The following CTTNBP2NL variants were observed in gnomAD, a reference collection of about 807,000 sequenced individuals.
CTTNBP2NL encodes CTTNBP2 N-terminal like.
Under a neutral mutation model 32.5 loss-of-function variants are expected in CTTNBP2NL, and 16 were observed. The observed-to-expected ratio is 0.49, with a 90% confidence interval of 0.33 to 0.75. CTTNBP2NL has a LOEUF of 0.75. Among genes scored for constraint, CTTNBP2NL ranks in the 30% least tolerant of loss-of-function variants. The probability of loss-of-function intolerance (pLI) is 0.02; values close to 1 mark genes in which losing one functional copy is unlikely to be tolerated. For synonymous variants in CTTNBP2NL, 298 were observed against 289.4 expected, an observed-to-expected ratio of 1.03 and a Z score of -0.30; for missense variants, 645 against 756.0, an observed-to-expected ratio of 0.85 and a Z score of 1.72.
intron 3 of CTTNBP2NL, among the ~76,000 whole-genome samples, chr1:112,433,462 G>A (rs955175501): frequency 3.9e-5 from 6 of 152,128 alleles, no homozygotes; most frequent in African/African-American, 1.2e-4. Flanking sequence ...GCACAATGGT[G>A]CATGCCTGTA....
chr1:112,403,113 C>T lies in CTTNBP2NL; in HGVS notation c.-134+6841C>T, dbSNP rs1013980840. On this transcript the variant is annotated intron_variant, in intron 1 of 5. Transcript: ENST00000271277. Reference sequence around the variant, plus strand: ...TAACTAAGTAAATTCTTTTTAATGTCTCTTTTGTCAGTCTCTTCCATTCTT... The same window carrying T: ...TAACTAAGTAAATTCTTTTTAATGTTTCTTTTGTCAGTCTCTTCCATTCTT... 7.2e-5 allele frequency among the ~76,000 whole-genome samples: 11 copies of T among 152,142 alleles called. No homozygotes were observed. In the East Asian group the frequency reaches 1.7e-3, roughly 24 times the overall value.
intron 3 of CTTNBP2NL, among the ~76,000 whole-genome samples, chr1:112,419,548 C>T (rs961208370): frequency 3.4e-4 from 36 of 105,190 alleles, no homozygotes; most frequent in Non-Finnish European, 6.9e-4. Flanking sequence ...AGTTGTGGCA[C>T]CAAAAATTAA....
chr1:112,398,160 T>C (rs1252998628), intron 1 of CTTNBP2NL, among the ~76,000 whole-genome samples: 1 of 152,130 alleles, frequency 6.6e-6, no homozygotes, highest in Non-Finnish European at 1.5e-5. Context: ...TAAACTAAGG[T>C]AAGAGACTAA....
Position 112,459,413 on chromosome 1 carries a change from A to G in CTTNBP2NL, c.*2001A>G, listed in dbSNP as rs1650479273. ...ACATTCTCTGAGCCAACATCTATCC[A>G]GCAGCCCTGACCTCCTGCTATAATT... On this transcript the variant is annotated 3_prime_UTR_variant, in exon 6 of 6. Coordinates refer to ENST00000271277, the MANE Select transcript of CTTNBP2NL (RefSeq NM_018704.3). 1 of 152,228 alleles carries G rather than the reference A, an allele frequency of 6.6e-6. No homozygotes were observed. Among genetic ancestry groups the G allele is most frequent in the East Asian group, 1.9e-4 (1 of 5,200 alleles). 9.4% of individuals were successfully genotyped at this position (152,228 alleles called of 1,614,324 possible). A position where few individuals can be genotyped will look rare whatever the true frequency, so the allele number is the denominator to read the frequency against.
At chr1:112,394,524 A>C (rs1648263986), upstream of CTTNBP2NL, among the ~76,000 whole-genome samples, 1 of 152,184 alleles carries the variant, frequency 6.6e-6, no homozygotes, top group South Asian at 2.1e-4. Context: ...TCAGATTGTC[A>C]GTTTTCAGAA....
In CTTNBP2NL at chr1:112,458,861, T is replaced by G. The variant is rs1236498882; in HGVS notation, c.*1449T>G. On this transcript the variant is annotated 3_prime_UTR_variant, in exon 6 of 6. Coordinates refer to ENST00000271277, the MANE Select transcript of CTTNBP2NL (RefSeq NM_018704.3). ...TAACCCCAGTGTCACAAAACTCAAC[T>G]GGTCATATAAATGAGTGAAACAGGC... is the stretch of plus-strand genomic sequence containing the variant. 6.6e-6 allele frequency: 1 copy of G among 152,078 alleles called. No homozygotes were observed. Among genetic ancestry groups the G allele is most frequent in the Non-Finnish European group, 1.5e-5 (1 of 68,030 alleles). The allele number at this position is 152,078 out of a possible 1,614,324, so 9.4% of individuals were successfully genotyped here. A position where few individuals can be genotyped will look rare whatever the true frequency, so the allele number is the denominator to read the frequency against.
At chr1:112,425,044 G>A (rs762971674) in intron 3 of CTTNBP2NL, among the ~76,000 whole-genome samples, 1 of 149,552 alleles carries the variant, frequency 6.7e-6, no homozygotes, top group South Asian at 2.1e-4. Flanking sequence ...GGTTGGTCTC[G>A]AACTCCTGGC....
chr1:112,400,526 G>A lies in CTTNBP2NL; in HGVS notation c.-134+4254G>A, dbSNP rs965917868. Among the ~76,000 whole-genome samples, 3 of 152,256 alleles carry A rather than the reference G, an allele frequency of 2.0e-5. No homozygotes were observed. In the East Asian group the frequency reaches 5.8e-4, roughly 29 times the overall value. ...AAATACAAAAATTGCCAGGTGCAGT[G>A]GCTCACCTGTAATCCCAGCACTTTG... On this transcript the variant is annotated intron_variant, in intron 1 of 5. Coordinates refer to ENST00000271277, the MANE Select transcript of CTTNBP2NL (RefSeq NM_018704.3).
intron 4 of CTTNBP2NL, among the ~76,000 whole-genome samples, chr1:112,450,945 T>A (rs568401216): frequency 2.0e-5 from 3 of 152,198 alleles, no homozygotes; most frequent in African/African-American, 7.2e-5. Context: ...ATTAGGGTGC[T>A]CATAGTCTCA....
chr1:112,432,238 TA>T, intron 3 of CTTNBP2NL, among the ~76,000 whole-genome samples: 3 of 152,028 alleles, frequency 2.0e-5, no homozygotes, highest in Admixed American at 2.0e-4. Context: ...CACACCCAGC[TA>T]ATTTTTTGTA....
At chr1:112,423,452 A>C (rs1335776173) in intron 3 of CTTNBP2NL, among the ~76,000 whole-genome samples, 1 of 152,176 alleles carries the variant, frequency 6.6e-6, no homozygotes, top group South Asian at 2.1e-4. Flanking sequence ...ACATATTTCA[A>C]AACATCATGT....
rs1397369953 is a variant in CTTNBP2NL, at chr1:112,456,917, A to T, written c.1425A>T (p.Gln475His). The change falls in exon 6 of 6, where the codon CAA becomes CAT. Residue 475 changes from glutamine to histidine, a missense_variant. Gln to His is a conservative substitution (Grantham distance 24). Transcript: ENST00000271277. ...KFQSQADQDQ[Q>H]ASGLQSPPSR... is the part of the protein sequence containing the mutation. ...AGTCCCAAGCAGATCAGGACCAACA[A>T]GCCAGTGGCCTACAGAGCCCTCCAT... The T allele has an allele frequency of 9.3e-6, 15 of 1,613,974 alleles. No homozygotes were observed. The Admixed American group carries it at 2.5e-4, about 27-fold the overall frequency.
At chr1:112,442,767 T>G (rs1193788972) in intron 3 of CTTNBP2NL, among the ~76,000 whole-genome samples, 1 of 152,114 alleles carries the variant, frequency 6.6e-6, no homozygotes, top group Non-Finnish European at 1.5e-5. Context: ...CTCAGCTCAC[T>G]ATAACCTCCG....
chr1:112,425,606 A>T (rs750409991), intron 3 of CTTNBP2NL, among the ~76,000 whole-genome samples: 1 of 151,924 alleles, frequency 6.6e-6, no homozygotes, highest in South Asian at 2.1e-4. Flanking sequence ...GCTCATGCCT[A>T]TAATCCCAGT....
upstream of CTTNBP2NL, among the ~76,000 whole-genome samples, chr1:112,392,264 C>T (rs1648206603): frequency 6.6e-6 from 1 of 152,050 alleles, no homozygotes; most frequent in Non-Finnish European, 1.5e-5. Context: ...TCCTCACCTG[C>T]AAAAGGGGAC....
At position 112,411,751 on chromosome 1, in the gene CTTNBP2NL, C is replaced by T. The variant is rs1465824755; in HGVS notation, c.-133-443C>T. 4.6e-5 allele frequency among the ~76,000 whole-genome samples: 7 copies of T among 151,418 alleles called. No homozygotes were observed. The South Asian group carries it at 8.3e-4, about 18-fold the overall frequency. On this transcript the variant is annotated intron_variant, in intron 1 of 5. Transcript: ENST00000271277. ...AGGCTGGAGTGCAGTGGCACAATCT[C>T]GGCTCACTACAAGCTCCACCTCCTG...
chr1:112,418,490 A>G (rs1307804726), intron 3 of CTTNBP2NL, among the ~76,000 whole-genome samples: 2 of 152,042 alleles, frequency 1.3e-5, no homozygotes, highest in African/African-American at 2.4e-5. Context: ...TCTAATTGTT[A>G]TGGAGGGGAC....
chr1:112,430,678 C>T (rs1187631688), intron 3 of CTTNBP2NL, among the ~76,000 whole-genome samples: 1 of 151,602 alleles, frequency 6.6e-6, no homozygotes, highest in Non-Finnish European at 1.5e-5. Context: ...CTCAGCCTCC[C>T]GAATAGCTGG....
intron 4 of CTTNBP2NL, among the ~76,000 whole-genome samples, chr1:112,449,722 T>TGA (rs1216946990): frequency 5.4e-5 from 7 of 130,370 alleles, no homozygotes; most frequent in African/African-American, 2.4e-4. Flanking sequence ...ACTCTATTAG[T>TGA]GAGGGGTGTG....
Sources: gnomAD v4.1 joint callset for allele counts (sites outside exome capture counted in the v4.1 genomes callset) on GRCh38, gnomAD v4.1.1 for gene constraint, MANE v1.5 for transcripts, NCBI Gene and HGNC (gene_info 2026-07-23, HGNC 2026-07-21) for gene names.